Variants in ST3GAL3 observed in about 807,000 individuals in gnomAD.
ST3GAL3 encodes ST3 beta-galactoside alpha-2,3-sialyltransferase 3.
In ST3GAL3, 21 loss-of-function variants were observed where a neutral mutation model predicts 50.1. The ratio of observed to expected loss-of-function variants is 0.42; its 90% CI spans 0.30 to 0.60. The LOEUF is 0.60. Among genes scored for constraint, ST3GAL3 ranks in the 20% least tolerant of loss-of-function variants. The pLI is 0.19. For missense variants in ST3GAL3, 353 were observed against 489.4 expected (o/e 0.72, Z 2.63); for synonymous variants, 183 against 190.0 (o/e 0.96, Z 0.30).
At chr1:43,718,979 C>CA (rs1168225682) in intron 1 of ST3GAL3, 1 of 150,838 alleles carries the variant, frequency 6.6e-6, no homozygotes, top group East Asian at 1.9e-4. Context: ...TGAGCCACCA[C>CA]ACCAGGCCTC....
chr1:43,782,908 A>G (rs910937865), intron 2 of ST3GAL3, among the ~76,000 whole-genome samples: 1 of 152,216 alleles, frequency 6.6e-6, no homozygotes, highest in Non-Finnish European at 1.5e-5. Context: ...TTAGCATAAA[A>G]ATTCATTTCA....
intron 6 of ST3GAL3, among the ~76,000 whole-genome samples, chr1:43,898,026 G>A (rs1233999132): frequency 6.6e-6 from 1 of 152,194 alleles, no homozygotes; most frequent in Non-Finnish European, 1.5e-5. Flanking sequence ...GCTCCCGGCA[G>A]TGATATGCCT....
chr1:43,867,962 A>G (rs1381593724), intron 5 of ST3GAL3, among the ~76,000 whole-genome samples: 1 of 152,262 alleles, frequency 6.6e-6, no homozygotes, highest in African/African-American at 2.4e-5. Context: ...TAGGCAACAT[A>G]CATGTATAAT....
At chr1:43,893,888 G>A (rs1403275744) in intron 5 of ST3GAL3, among the ~76,000 whole-genome samples, 2 of 151,964 alleles carry the variant, frequency 1.3e-5, no homozygotes, top group African/African-American at 4.8e-5. Context: ...AACCTGCTTT[G>A]CCCTCTCACC....
At chr1:43,784,642 T>G (rs769279076) in intron 2 of ST3GAL3, among the ~76,000 whole-genome samples, 70 of 152,370 alleles carry the variant, frequency 4.6e-4, no homozygotes, top group Non-Finnish European at 1.5e-4. Context: ...CCATGTCTGA[T>G]CTTTTCATAC....
chr1:43,870,815 G>T (rs2072517852), intron 5 of ST3GAL3, among the ~76,000 whole-genome samples: 1 of 152,194 alleles, frequency 6.6e-6, no homozygotes, highest in Admixed American at 6.5e-5. Context: ...TGGAATGTTT[G>T]CAAGGGCCAC....
chr1:43,728,866 T>C (rs1013398955), intron 1 of ST3GAL3, among the ~76,000 whole-genome samples: 19 of 152,084 alleles, frequency 1.2e-4, no homozygotes, highest in Non-Finnish European at 1.8e-4. Flanking sequence ...TATGTACATA[T>C]ACACACACAC....
chr1:43,851,164 G>A, intron 5 of ST3GAL3: 1 of 1,352,630 alleles, frequency 7.4e-7, no homozygotes, highest in Non-Finnish European at 1.1e-6. Context: ...TCGGGTGGAA[G>A]AGGCGGGTGT....
chr1:43,824,734 A>G, intron 4 of ST3GAL3: 1 of 1,614,020 alleles, frequency 6.2e-7, no homozygotes, highest in Non-Finnish European at 8.5e-7. Context: ...TTTGCAGCTC[A>G]CCGAGGACTC....
intron 3 of ST3GAL3, among the ~76,000 whole-genome samples, chr1:43,808,788 G>A (rs1215370181): frequency 1.3e-5 from 2 of 152,160 alleles, no homozygotes; most frequent in East Asian, 3.9e-4. Context: ...CATGTGGATG[G>A]GAAAACTACC....
intron 5 of ST3GAL3, among the ~76,000 whole-genome samples, chr1:43,843,852 A>G (rs1283001053): frequency 2.0e-5 from 3 of 152,210 alleles, no homozygotes; most frequent in Non-Finnish European, 4.4e-5. Context: ...TTCTGGCATT[A>G]TCCACCTGGA....
chr1:43,791,687 A>G (rs1216998628), intron 2 of ST3GAL3, among the ~76,000 whole-genome samples: 1 of 152,252 alleles, frequency 6.6e-6, no homozygotes, highest in Non-Finnish European at 1.5e-5. Context: ...GGAAGAAACA[A>G]TGAACAATTG....
chr1:43,888,241 A>G (rs1040042771), intron 5 of ST3GAL3, among the ~76,000 whole-genome samples: 7 of 152,194 alleles, frequency 4.6e-5, no homozygotes, highest in Non-Finnish European at 8.8e-5. Flanking sequence ...GTACTAAAAA[A>G]GTATGGATGA....
chr1:43,824,731 C>T lies in ST3GAL3; in HGVS notation c.209+9798C>T, dbSNP rs146539823. ...AAAAAGCCAAATTCCCACTTTGCAG[C>T]TCACCGAGGACTCTCTGCACGGTGG... On this transcript the variant is annotated intron_variant, in intron 4 of 11. Coordinates refer to ENST00000347631, the MANE Select transcript of ST3GAL3 (RefSeq NM_006279.5). 7.8e-5 allele frequency: 126 copies of T among 1,613,926 alleles called. 1 individual carries two copies. The highest frequency in any genetic ancestry group is 1.0e-4 in the Non-Finnish European group (122 of 1,179,944).
intron 5 of ST3GAL3, among the ~76,000 whole-genome samples, chr1:43,879,668 C>G (rs2074758577): frequency 6.6e-6 from 1 of 152,106 alleles, no homozygotes; most frequent in Non-Finnish European, 1.5e-5. Flanking sequence ...AGGTGTTGCT[C>G]TTTGTGAGGA....
intron 2 of ST3GAL3, among the ~76,000 whole-genome samples, chr1:43,757,755 C>A (rs1054888098): frequency 4.6e-5 from 7 of 151,870 alleles, no homozygotes; most frequent in Admixed American, 6.6e-5. Context: ...TTAAATAGGG[C>A]AGAAAAGCAT....
At chr1:43,763,232 C>T (rs189372002) in intron 2 of ST3GAL3, among the ~76,000 whole-genome samples, 1 of 152,210 alleles carries the variant, frequency 6.6e-6, no homozygotes, top group Admixed American at 6.5e-5. Flanking sequence ...GCTCTGTATA[C>T]ACTAATATGA....
At chr1:43,813,618 T>C (rs1031299541) in intron 3 of ST3GAL3, among the ~76,000 whole-genome samples, 2 of 152,198 alleles carry the variant, frequency 1.3e-5, no homozygotes, top group Non-Finnish European at 2.9e-5. Context: ...ACAGCTCAGA[T>C]GATTTTGAAA....
At position 43,806,212 on chromosome 1, in the gene ST3GAL3, T is replaced by A. The variant is rs74649966; in HGVS notation, c.167-8679T>A. On this transcript the variant is annotated intron_variant, in intron 3 of 11. Coordinates refer to ENST00000347631, the MANE Select transcript of ST3GAL3 (RefSeq NM_006279.5). The stretch of plus-strand genomic sequence containing the variant: ...AATTTAGGGAAAAATGTAAAATTCC[T>A]TGTTGTACTATAAAAACATCTGTGA... 1.4e-4 allele frequency among the ~76,000 whole-genome samples: 22 copies of A among 152,344 alleles called. No individual in the cohort carries two copies. In the East Asian group the frequency reaches 3.9e-3, roughly 27 times the overall value.
Sources: allele counts gnomAD v4.1 joint callset (sites outside exome capture counted in the v4.1 genomes callset), GRCh38; gene constraint gnomAD v4.1.1; transcripts MANE v1.5; gene names NCBI Gene and HGNC (gene_info 2026-07-23, HGNC 2026-07-21).